ZC3H11A: variants seen among roughly 807,000 people sequenced by gnomAD.
The protein encoded by ZC3H11A is zinc finger CCCH domain-containing protein 11A.
In ZC3H11A, 22 loss-of-function variants were observed where a neutral mutation model predicts 90.8. That is an observed-to-expected ratio of 0.24 (90% CI 0.17 to 0.35). ZC3H11A has a LOEUF of 0.35. Among genes scored for constraint, ZC3H11A ranks in the 10% least tolerant of loss-of-function variants. ZC3H11A has a pLI of 1.00. For synonymous variants in ZC3H11A, 294 were observed against 339.8 expected, an observed-to-expected ratio of 0.87 and a Z score of 1.48; for missense variants, 701 against 964.9, an observed-to-expected ratio of 0.73 and a Z score of 3.62.
At chr1:203,816,165 G>T (rs1434991391) in intron 2 of ZC3H11A, among the ~76,000 whole-genome samples, 1 of 152,012 alleles carries the variant, frequency 6.6e-6, no homozygotes, top group African/African-American at 2.4e-5. Context: ...GAAAATATTT[G>T]AAGTTTTTCA....
chr1:203,829,703 A>G (rs374365948), intron 6 of ZC3H11A, 49 bp downstream of exon 6: 5 of 1,612,716 alleles, frequency 3.1e-6, no homozygotes, highest in Non-Finnish European at 4.2e-6. Flanking sequence ...AGGGTCTCAT[A>G]GTGAATTGGG....
intron 1 of ZC3H11A, chr1:203,798,334 AT>A (rs1264083127): frequency 3.9e-6 from 6 of 1,535,852 alleles, no homozygotes; most frequent in Non-Finnish European, 5.2e-6. Flanking sequence ...GCCGTTTGGA[AT>A]TTTTTTTACA....
intron 11 of ZC3H11A, among the ~76,000 whole-genome samples, chr1:203,838,621 T>A (rs527272976): frequency 6.6e-6 from 1 of 151,986 alleles, no homozygotes; most frequent in East Asian, 1.9e-4. Context: ...TGTTAGAAAG[T>A]TTGGACTTAT....
rs2102724345 is a variant in ZC3H11A, at chr1:203,815,062, T to G, written c.-145-1864T>G. 2 of 152,124 alleles carry G rather than the reference T, an allele frequency of 1.3e-5. 1 individual carries two copies. Among genetic ancestry groups the G allele is most frequent in the Middle Eastern group, 6.8e-3 (2 of 294 alleles). The allele number at this position is 152,124 out of a possible 1,614,324, so 9.4% of individuals were successfully genotyped here. A position where few individuals can be genotyped will look rare whatever the true frequency, so the allele number is the denominator to read the frequency against. ...CCAGGCTGTTCTCAAACTCCTGACCTCAAGTGATCCACCAGCTTCCACCTC... is the reference window on the plus strand; with the variant it reads ...CCAGGCTGTTCTCAAACTCCTGACCGCAAGTGATCCACCAGCTTCCACCTC... On this transcript the variant is annotated intron_variant, in intron 2 of 17. Coordinates refer to ENST00000367210, the MANE Select transcript of ZC3H11A (RefSeq NM_001376342.1).
At chr1:203,826,779 G>T (rs1176579526) in intron 4 of ZC3H11A, among the ~76,000 whole-genome samples, 1 of 152,148 alleles carries the variant, frequency 6.6e-6, no homozygotes, top group Non-Finnish European at 1.5e-5. Context: ...AGGTTAGTTA[G>T]TTTTTGGGAG....
chr1:203,833,975 T>A, intron 10 of ZC3H11A, 122 bp downstream of exon 10: 1 of 1,395,414 alleles, frequency 7.2e-7, no homozygotes, highest in Admixed American at 2.9e-5. Context: ...CTGAAAGCAC[T>A]TATAAATTCC....
At chr1:203,805,812 G>T in intron 2 of ZC3H11A, 1 of 833,618 alleles carries the variant, frequency 1.2e-6, no homozygotes, top group Non-Finnish European at 2.0e-6. Context: ...ATTCTGGGCC[G>T]CCATAACTGC....
chr1:203,848,075 C>CA (rs1688357767), intron 13 of ZC3H11A, among the ~76,000 whole-genome samples: 1 of 152,240 alleles, frequency 6.6e-6, no homozygotes, highest in African/African-American at 2.4e-5. Context: ...AGGCTGGTCT[C>CA]AAACTCCTCA....
intron 1 of ZC3H11A, chr1:203,800,720 A>G (rs1158414523): frequency 6.9e-6 from 2 of 291,004 alleles, no homozygotes; most frequent in East Asian, 6.2e-5. Context: ...TAAAAAAAAT[A>G]TAGTGCAGCA....
intron 17 of ZC3H11A, 79 bp downstream of exon 17, chr1:203,851,203 ATAACTT>A (rs753378108): frequency 3.9e-4 from 500 of 1,281,394 alleles, no homozygotes; most frequent in Non-Finnish European, 5.0e-4. Context: ...ACACTGATAA[ATAACTT>A]TAGCAACATT....
In ZC3H11A at chr1:203,837,889, T is replaced by C. The variant is rs1056284359; in HGVS notation, c.875-77T>C. ...AACACTTAACAGAATTATGCTATGTTGTCTGTTTTTGTTTGTATTTCTTGT... is the reference window on the plus strand; with the variant it reads ...AACACTTAACAGAATTATGCTATGTCGTCTGTTTTTGTTTGTATTTCTTGT... On this transcript the variant is annotated intron_variant, in intron 10 of 17. Transcript: ENST00000367210. 4 of 1,339,578 alleles carry C rather than the reference T, an allele frequency of 3.0e-6. No homozygotes were observed. The African/African-American group carries it at 5.9e-5, about 20-fold the overall frequency. The allele number at this position is 1,339,578 out of a possible 1,614,324, so 83.0% of individuals were successfully genotyped here.
chr1:203,819,001 G>A (rs1677294203), intron 4 of ZC3H11A, among the ~76,000 whole-genome samples: 1 of 150,678 alleles, frequency 6.6e-6, no homozygotes, highest in African/African-American at 2.4e-5. Context: ...CCAGGGAGTT[G>A]GAGGTTGCAG....
At chr1:203,806,458 T>C (rs962616634) in intron 2 of ZC3H11A, among the ~76,000 whole-genome samples, 2 of 152,188 alleles carry the variant, frequency 1.3e-5, no homozygotes, top group African/African-American at 4.8e-5. Context: ...TCTGCCATCA[T>C]GCCCGGCTAA....
intron 2 of ZC3H11A, among the ~76,000 whole-genome samples, chr1:203,816,628 C>T (rs1439574672): frequency 2.6e-5 from 4 of 151,982 alleles, no homozygotes; most frequent in African/African-American, 7.3e-5. Context: ...GAGACACTGT[C>T]TCTAAAAAGA....
At chr1:203,796,597 T>C (rs1459700139) in intron 1 of ZC3H11A, 2 of 397,200 alleles carry the variant, frequency 5.0e-6, no homozygotes, top group Non-Finnish European at 4.4e-6. Context: ...GCGATGCTTT[T>C]TAGGGTAAAT....
rs770113909 is a variant in ZC3H11A, at chr1:203,850,662, C to T, written c.2087C>T (p.Pro696Leu). 9 of 1,614,074 alleles carry T rather than the reference C, an allele frequency of 5.6e-6. 1 individual carries two copies. The South Asian group carries it at 7.7e-5, about 14-fold the overall frequency. Residue 696 changes from proline to leucine, a missense_variant, in exon 16 of 18, where the codon CCA becomes CTA. Pro to Leu is a moderately conservative substitution (Grantham distance 98). This residue lies in a region of ZC3H11A where 91 missense variants were observed against 86.8 expected (regional missense o/e 1.05). Transcript: ENST00000367210. ...TCCAGCAGTGTCCTACAGGAACCCC[C>T]AGCCAAAAAGGCAGCTGTGGTAAGA... ...LSSSSVLQEP[P>L]AKKAAVAVVP...
At chr1:203,846,115 C>CAAA (rs34793133) in intron 12 of ZC3H11A, among the ~76,000 whole-genome samples, 19 of 53,078 alleles carry the variant, frequency 3.6e-4, no homozygotes, top group African/African-American at 9.1e-4. Flanking sequence ...TCGTCTTTAC[C>CAAA]AAAAAAAAAA....
chr1:203,850,995 A>G (rs1276233288), intron 16 of ZC3H11A, 62 bp from the exon 17 acceptor site: 1 of 1,569,108 alleles, frequency 6.4e-7, no homozygotes, highest in Admixed American at 1.8e-5. Context: ...GCAAAAGAAA[A>G]TGAATATGCT....
rs1223265000 is a variant in ZC3H11A, at chr1:203,799,562, T to G, written c.-1587-2013T>G. On this transcript the variant is annotated intron_variant, in intron 1 of 17. Transcript: ENST00000367210. ...CCAGTGGAGTTGTGCTCACCTCCCT[T>G]CAGTGGACTCTAATGACTTATGTTT... The G allele has an allele frequency of 4.3e-6, 3 of 702,932 alleles. No homozygotes were observed. In the African/African-American group the frequency reaches 5.2e-5, roughly 12 times the overall value. 43.5% of individuals were successfully genotyped at this position (702,932 alleles called of 1,614,324 possible).
Sources: gnomAD v4.1 joint callset for allele counts (sites outside exome capture counted in the v4.1 genomes callset) on GRCh38, gnomAD v4.1.1 for gene constraint, gnomAD v4.1.1 regional missense constraint, MANE v1.5 for transcripts, NCBI Gene and HGNC (gene_info 2026-07-23, HGNC 2026-07-21) for gene names.